Variants in SUSD3 observed in about 807,000 individuals in gnomAD.
SUSD3 encodes the protein sushi domain containing 3, also known as sushi domain-containing protein 3.
In SUSD3, 18 loss-of-function variants were observed where a neutral mutation model predicts 20.6. The observed-to-expected ratio is 0.87, with a 90% confidence interval of 0.60 to 1.30. SUSD3 has a LOEUF of 1.30. Ranked by LOEUF, SUSD3 falls within the 50% of genes most tolerant of loss-of-function variation. SUSD3 has a pLI of 0.00. For missense variants in SUSD3, 306 were observed against 346.9 expected (o/e 0.88, Z 0.94); for synonymous variants, 137 against 141.5 (o/e 0.97, Z 0.23).
At chr9:93,082,387 G>A (rs755611945) in intron 4 of SUSD3, among the ~76,000 whole-genome samples, 38 of 140,736 alleles carry the variant, frequency 2.7e-4, no homozygotes, top group Non-Finnish European at 4.1e-4. Flanking sequence ...GCGCGATCTC[G>A]GCTCACTGCA....
intron 4 of SUSD3, among the ~76,000 whole-genome samples, chr9:93,080,587 G>T (rs1826374053): frequency 6.6e-6 from 1 of 152,210 alleles, no homozygotes; most frequent in African/African-American, 2.4e-5. Context: ...GGCTACATGT[G>T]CAGATCACAG....
At chr9:93,080,460 G>C (rs75456976) in intron 4 of SUSD3, among the ~76,000 whole-genome samples, 1 of 152,278 alleles carries the variant, frequency 6.6e-6, no homozygotes, top group African/African-American at 2.4e-5. Flanking sequence ...TGGGCCTTCA[G>C]TTTTTCATGG....
intron 1 of SUSD3, among the ~76,000 whole-genome samples, chr9:93,062,787 A>T (rs1457582748): frequency 6.6e-6 from 1 of 152,102 alleles, no homozygotes; most frequent in Non-Finnish European, 1.5e-5. Flanking sequence ...GACAAGGGTG[A>T]TCCACCAGCT....
At chr9:93,069,214 G>C (rs140908862) in intron 1 of SUSD3, 1 of 690,418 alleles carries the variant, frequency 1.4e-6, no homozygotes, top group East Asian at 2.7e-5. Context: ...GCTCCACCCC[G>C]CCTGGGATTG....
intron 1 of SUSD3, among the ~76,000 whole-genome samples, chr9:93,071,480 T>C (rs1382937167): frequency 2.0e-5 from 3 of 152,184 alleles, no homozygotes; most frequent in Non-Finnish European, 4.4e-5. Flanking sequence ...AATCTAGTCC[T>C]TCCACGTTCC....
At position 93,075,411 on chromosome 9, in the gene SUSD3, CTTTTTTT is replaced by C. The variant is rs58393196; in HGVS notation, c.89-356_89-350del. On this transcript the variant is annotated intron_variant, in intron 1 of 4. Coordinates refer to ENST00000375472, the MANE Select transcript of SUSD3 (RefSeq NM_145006.4). The stretch of plus-strand genomic sequence containing the variant: ...AATCTGCTGATCTCTCTCTGTCCCT[CTTTTTTT>C]TTTTTTTTTTTTTTTTGTTCTGATT... 4.2e-3 allele frequency among the ~76,000 whole-genome samples: 423 copies of C among 101,294 alleles called. 2 individuals are homozygous for C. The highest frequency in any genetic ancestry group is 0.015 in the African/African-American group (363 of 24,712). 66.5% of individuals were successfully genotyped at this position (101,294 alleles called of 152,430 possible).
intron 2 of SUSD3, among the ~76,000 whole-genome samples, chr9:93,077,190 A>G (rs992744753): frequency 6.6e-6 from 1 of 152,178 alleles, no homozygotes; most frequent in Non-Finnish European, 1.5e-5. Context: ...TTTGGAGCAT[A>G]GCTGAGGTCA....
intron 1 of SUSD3, among the ~76,000 whole-genome samples, chr9:93,069,385 T>C (rs1825830612): frequency 6.6e-6 from 1 of 152,232 alleles, no homozygotes; most frequent in African/African-American, 2.4e-5. Context: ...CCATGGAAAG[T>C]GAAAACAAGG....
intron 1 of SUSD3, among the ~76,000 whole-genome samples, chr9:93,061,270 C>T (rs1260738355): frequency 2.6e-5 from 4 of 152,232 alleles, no homozygotes; most frequent in Non-Finnish European, 4.4e-5. Flanking sequence ...TGAACTCCTG[C>T]CCCAGAACTG....
At chr9:93,081,578 T>C (rs916653810) in intron 4 of SUSD3, among the ~76,000 whole-genome samples, 1 of 152,158 alleles carries the variant, frequency 6.6e-6, no homozygotes, top group African/African-American at 2.4e-5. Flanking sequence ...TACGACCTTA[T>C]GCAGATGGGG....
At chr9:93,084,052 G>C (rs1247563845) in intron 4 of SUSD3, among the ~76,000 whole-genome samples, 34 of 152,118 alleles carry the variant, frequency 2.2e-4, no homozygotes, top group Non-Finnish European at 1.5e-5. Context: ...TGGGGGAGTA[G>C]AGAGCCACAA....
intron 1 of SUSD3, among the ~76,000 whole-genome samples, chr9:93,071,639 G>C (rs1007042484): frequency 1.3e-5 from 2 of 152,100 alleles, no homozygotes; most frequent in Non-Finnish European, 2.9e-5. Flanking sequence ...GATACATTGC[G>C]TCCTTCAATT....
rs922956573 is a variant in SUSD3, at chr9:93,084,935, AGT to A, written c.*191_*192del. 9.8e-6 allele frequency: 5 copies of A among 507,890 alleles called. No homozygotes were observed. The highest frequency in any genetic ancestry group is 2.0e-5 in the African/African-American group (1 of 49,866). The allele number at this position is 507,890 out of a possible 1,614,324, so 31.5% of individuals were successfully genotyped here. A position where few individuals can be genotyped will look rare whatever the true frequency, so the allele number is the denominator to read the frequency against. ...TCCAAGGCTGAGGACCCCAGTGGGGAGTGTTCTGTTCCGGCATATCCTGGCCG... is the reference window on the plus strand; with the variant it reads ...TCCAAGGCTGAGGACCCCAGTGGGGAGTTCTGTTCCGGCATATCCTGGCCG... On this transcript the variant is annotated 3_prime_UTR_variant, in exon 5 of 5. Coordinates refer to ENST00000375472, the MANE Select transcript of SUSD3 (RefSeq NM_145006.4).
At chr9:93,079,397 C>T (rs1278799286) in intron 3 of SUSD3, 74 bp from the exon 4 acceptor site, 2 of 1,551,564 alleles carry the variant, frequency 1.3e-6, no homozygotes, top group Non-Finnish European at 1.8e-6. Context: ...CCTGGGCCTA[C>T]ATGGAGCCTG....
chr9:93,084,664 A>T lies in SUSD3; in HGVS notation c.685A>T (p.Met229Leu). Residue 229 changes from methionine (M) to leucine (L), a missense_variant, in exon 5 of 5, where the codon ATG (methionine) becomes TTG (leucine). Met to Leu is a conservative substitution (Grantham distance 15, BLOSUM62 2). Coordinates refer to ENST00000375472, the MANE Select transcript of SUSD3 (RefSeq NM_145006.4). Reference sequence around the variant, plus strand: ...ACCCCAAGCCCAGGTGATGGTGCACATGGCAAACCCCAGACAGCCCCTGCC... The same window carrying T: ...ACCCCAAGCCCAGGTGATGGTGCACTTGGCAAACCCCAGACAGCCCCTGCC... ...SSPQAQVMVH[M>L]ANPRQPLPAS... The T allele has an allele frequency of 6.2e-7, 1 of 1,608,088 alleles. No individual in the cohort carries two copies. Among genetic ancestry groups the T allele is most frequent in the Non-Finnish European group, 8.5e-7 (1 of 1,177,302 alleles).
chr9:93,084,582 C>T lies in SUSD3; in HGVS notation c.603C>T (p.Ser201=), dbSNP rs747232690. 33 of 1,603,192 alleles carry T rather than the reference C, an allele frequency of 2.1e-5. No individual in the cohort carries two copies. In the Admixed American group the frequency reaches 2.4e-4, roughly 12 times the overall value. Residue 201 remains serine, a synonymous_variant, in exon 5 of 5, where the codon AGC becomes AGT. Coordinates refer to ENST00000375472, the MANE Select transcript of SUSD3 (RefSeq NM_145006.4). ...GCAAGCTGGCCAGTGTGACCCGCAG[C>T]GTGGACAAGGACCCTGGGATCCCCA... ...STSKLASVTR[S]VDKDPGIPRA...
intron 1 of SUSD3, among the ~76,000 whole-genome samples, chr9:93,075,137 A>G (rs1191745395): frequency 6.6e-6 from 1 of 152,052 alleles, no homozygotes; most frequent in Non-Finnish European, 1.5e-5. Flanking sequence ...GTGGGTCTGC[A>G]TTTTTCATGA....
At chr9:93,083,648 A>G (rs548173129) in intron 4 of SUSD3, among the ~76,000 whole-genome samples, 2 of 152,242 alleles carry the variant, frequency 1.3e-5, no homozygotes, top group South Asian at 2.1e-4. Flanking sequence ...CCACACAACC[A>G]GTAAGTGAGG....
At chr9:93,061,580 G>T (rs901012430) in intron 1 of SUSD3, among the ~76,000 whole-genome samples, 1 of 152,236 alleles carries the variant, frequency 6.6e-6, no homozygotes, top group African/African-American at 2.4e-5. Context: ...TCTGAAGCCT[G>T]TGCTCACCCT....
Sources: gnomAD v4.1 joint callset for allele counts (sites outside exome capture counted in the v4.1 genomes callset) on GRCh38, gnomAD v4.1.1 for gene constraint, MANE v1.5 for transcripts, NCBI Gene and HGNC (gene_info 2026-07-23, HGNC 2026-07-21) for gene names.